The following RASAL1 variants were observed in gnomAD, a reference collection of about 807,000 sequenced individuals.
The protein encoded by RASAL1 is RAS protein activator like 1.
In RASAL1, 72 loss-of-function variants were observed where a neutral mutation model predicts 96.6. That is an observed-to-expected ratio of 0.75 (90% CI 0.62 to 0.91). The LOEUF is 0.91. Among genes scored for constraint, RASAL1 ranks in the 40% least tolerant of loss-of-function variants. RASAL1 has a pLI of 0.00. For synonymous variants in RASAL1, 405 were observed against 430.4 expected (o/e 0.94, Z 0.73); for missense variants, 1,016 against 1,072.5 (o/e 0.95, Z 0.74).
At chr12:113,110,198 C>T (rs1228248194) in intron 13 of RASAL1, among the ~76,000 whole-genome samples, 1 of 152,202 alleles carries the variant, frequency 6.6e-6, no homozygotes, top group Non-Finnish European at 1.5e-5. Flanking sequence ...GAGCTTACTC[C>T]TCAGCTGGGG....
At chr12:113,135,917 A>G (rs1951900098), upstream of RASAL1, 3 of 168,666 alleles carry the variant, frequency 1.8e-5, no homozygotes, top group Admixed American at 1.8e-4. The surrounding 1 kb of genome is among the most constrained non-coding windows in gnomAD (Gnocchi z 5.7). Context: ...GTGCACCGCC[A>G]GGTGGGGAGG....
At position 113,115,817 on chromosome 12, in the gene RASAL1, C is replaced by G; in HGVS notation, c.850-29G>C. The G allele has an allele frequency of 6.2e-7, 1 of 1,612,700 alleles. No individual in the cohort carries two copies. Among genetic ancestry groups the G allele is most frequent in the Non-Finnish European group, 8.5e-7 (1 of 1,179,174 alleles). On this transcript the variant is annotated intron_variant, in intron 9 of 20. Transcript: ENST00000548055. This position sits in a 1 kb window ranked among gnomAD's most constrained non-coding sequence, Gnocchi z 4.1. ...GGTGGGGGCGGGAGACAAAGATGACCTCGGCCCCTGGGACCCCAAAGCAGA... is the reference window on the plus strand; with the variant it reads ...GGTGGGGGCGGGAGACAAAGATGACGTCGGCCCCTGGGACCCCAAAGCAGA...
intron 16 of RASAL1, 112 bp downstream of exon 16, chr12:113,105,602 C>A (rs1950615605): frequency 8.5e-7 from 1 of 1,180,336 alleles, no homozygotes. Flanking sequence ...GTTGCTATGG[C>A]ATCTTGGGGC....
In RASAL1 at chr12:113,128,245, G is replaced by GACACAC. The variant is rs4007310; in HGVS notation, c.123-73_123-68dup. The GACACAC allele has an allele frequency of 7.5e-3, 4,236 of 566,394 alleles. 62 individuals carry two copies. The East Asian group carries it at 0.091, about 12-fold the overall frequency. 35.1% of individuals were successfully genotyped at this position (566,394 alleles called of 1,614,324 possible). ...CAGGAGGCAGACACCTGGAGACCCA[G>GACACAC]ACACACACACACACACACACACACA... On this transcript the variant is annotated intron_variant, in intron 2 of 20. Coordinates refer to ENST00000548055, the MANE Select transcript of RASAL1 (RefSeq NM_001301202.2).
At position 113,135,438 on chromosome 12, in the gene RASAL1, C is replaced by T. The variant is rs1326764018; in HGVS notation, c.25G>A (p.Val9Ile). MAKSSSLN[V>I]RVVEGRALPA... ...AGCGCGCGGCCCTCCACCACGCGAA[C>T]ATTCAGGGAGCTGCTCTTGGCCATG... Residue 9 changes from valine to isoleucine, a missense_variant, in exon 1 of 21, where the codon GTT becomes ATT. Physicochemically the swap from Val to Ile is conservative, Grantham distance 29. Coordinates refer to ENST00000548055, the MANE Select transcript of RASAL1 (RefSeq NM_001301202.2). The surrounding 1 kb of genome is among the most constrained non-coding windows in gnomAD (Gnocchi z 5.7). The T allele has an allele frequency of 1.2e-6, 2 of 1,610,098 alleles. No individual in the cohort carries two copies. The highest frequency in any genetic ancestry group is 1.7e-6 in the Non-Finnish European group (2 of 1,178,754).
intron 12 of RASAL1, among the ~76,000 whole-genome samples, chr12:113,113,383 C>T (rs1297730306): frequency 6.6e-6 from 1 of 152,136 alleles, no homozygotes; most frequent in Non-Finnish European, 1.5e-5. Flanking sequence ...AGAATAGAAC[C>T]CAGGACTGCC....
chr12:113,126,555 G>A (rs1451737811), intron 4 of RASAL1, among the ~76,000 whole-genome samples: 5 of 152,052 alleles, frequency 3.3e-5, no homozygotes, highest in Non-Finnish European at 5.9e-5. Flanking sequence ...GGTGGTGCAC[G>A]CCTGTAGTCC....
rs549792264 is a variant in RASAL1 at position 113,128,807 on chromosome 12, T to TA, written c.123-630dup. Among the ~76,000 whole-genome samples the TA allele has an allele frequency of 1.7e-3, 265 of 152,132 alleles. 5 individuals carry two copies. The highest frequency in any genetic ancestry group is 0.015 in the Admixed American group (230 of 15,282). ...AATCCAGACACCAGACACATGCAGATAGACACATAGAAAACAGACACATAT... is the reference window on the plus strand; with the variant it reads ...AATCCAGACACCAGACACATGCAGATAAGACACATAGAAAACAGACACATAT... On this transcript the variant is annotated intron_variant, in intron 2 of 20. Transcript: ENST00000548055.
At position 113,115,965 on chromosome 12, in the gene RASAL1, A is replaced by G; in HGVS notation, c.818T>C (p.Leu273Pro). 1 of 1,608,924 alleles carries G rather than the reference A, an allele frequency of 6.2e-7. No individual in the cohort carries two copies. The highest frequency in any genetic ancestry group is 8.5e-7 in the Non-Finnish European group (1 of 1,177,142). Reference sequence around the variant, plus strand: ...TGGCCCCTGCACAGACTCCATGAGCAGCTCCATGAGAGGCTGGTAGCACTG... The same window carrying G: ...TGGCCCCTGCACAGACTCCATGAGCGGCTCCATGAGAGGCTGGTAGCACTG... ...PSQCYQPLME[L>P]LMESVQGPAE... Residue 273 changes from leucine (L) to proline (P), a missense_variant, in exon 9 of 21, where the codon CTG (leucine) becomes CCG (proline). Coordinates refer to ENST00000548055, the MANE Select transcript of RASAL1 (RefSeq NM_001301202.2). This position sits in a 1 kb window ranked among gnomAD's most constrained non-coding sequence, Gnocchi z 4.1.
rs372608661 is a variant in RASAL1 at position 113,107,145 on chromosome 12, G to A, written c.1609C>T (p.Arg537Cys). 23 of 1,613,776 alleles carry A rather than the reference G, an allele frequency of 1.4e-5. No homozygotes were observed. The African/African-American group carries it at 1.6e-4, about 11-fold the overall frequency. The change falls in exon 15 of 21, where the codon CGT becomes TGT. Residue 537 changes from arginine to cysteine, a missense_variant. Arg to Cys is a radical substitution (Grantham distance 180). Coordinates refer to ENST00000548055, the MANE Select transcript of RASAL1 (RefSeq NM_001301202.2). The stretch of plus-strand genomic sequence containing the variant: ...AGCCGGTCCAGGAAGTCTCTCACAC[G>A]TGAGACACACTGCAGCAGGAAGGGG... Reference protein sequence around the residue: ...LHPFLLQCVSRVRDFLDRLVD... With the variant: ...LHPFLLQCVSCVRDFLDRLVD...
At chr12:113,117,030 G>A in intron 8 of RASAL1, 43 bp downstream of exon 8, 2 of 1,462,936 alleles carry the variant, frequency 1.4e-6, no homozygotes, top group Admixed American at 1.9e-5. Context: ...ATGCTGCCCG[G>A]CATGGCTCCA....
chr12:113,105,951 C>G, intron 15 of RASAL1, 65 bp from the exon 16 acceptor site: 1 of 1,505,366 alleles, frequency 6.6e-7, no homozygotes, highest in Non-Finnish European at 9.0e-7. Flanking sequence ...CCTTGCTCCA[C>G]TAGCATGCCC....
At position 113,115,872 on chromosome 12, in the gene RASAL1, G is replaced by C; in HGVS notation, c.849+62C>G. 6.3e-7 allele frequency: 1 copy of C among 1,587,510 alleles called. No individual in the cohort carries two copies. Among genetic ancestry groups the C allele is most frequent in the Non-Finnish European group, 8.6e-7 (1 of 1,163,726 alleles). Reference sequence around the variant, plus strand: ...CCTAGATAGGGCTCCGTGAGGCAGGGGGAGGCCAGGATCCAGACCCCCGGC... The same window carrying C: ...CCTAGATAGGGCTCCGTGAGGCAGGCGGAGGCCAGGATCCAGACCCCCGGC... On this transcript the variant is annotated intron_variant, in intron 9 of 20. Transcript: ENST00000548055. The surrounding 1 kb of genome is among the most constrained non-coding windows in gnomAD (Gnocchi z 4.1).
intron 4 of RASAL1, among the ~76,000 whole-genome samples, chr12:113,126,571 A>G (rs1167641424): frequency 6.6e-6 from 1 of 152,076 alleles, no homozygotes; most frequent in Non-Finnish European, 1.5e-5. Context: ...AGTCCCAGCT[A>G]CTTGGGAGGT....
Position 113,099,785 on chromosome 12 carries a change from G to T in RASAL1, c.*144C>A. ...CCATGCCCTGAGTTCTGGACTCAAG[G>T]CACACAGGACTAGGCACGTCTCTGG... On this transcript the variant is annotated 3_prime_UTR_variant, in exon 21 of 21. Coordinates refer to ENST00000548055, the MANE Select transcript of RASAL1 (RefSeq NM_001301202.2). 1.7e-6 allele frequency: 2 copies of T among 1,209,400 alleles called. No homozygotes were observed. Among genetic ancestry groups the T allele is most frequent in the East Asian group, 2.4e-5 (1 of 41,850 alleles). The allele number at this position is 1,209,400 out of a possible 1,614,324, so 74.9% of individuals were successfully genotyped here.
rs756376055 is a variant in RASAL1, at chr12:113,108,132, G to T, written c.1465C>A (p.Gln489Lys). ...LTPKLFDLRD[Q>K]HADPQTSRSL... ...CGGCTAGTCTGGGGGTCCGCGTGTT[G>T]GTCCCGAAGGTCAAACAGCTTTGGG... The change falls in exon 14 of 21, where the codon CAA (glutamine) becomes AAA (lysine). Residue 489 changes from glutamine to lysine, a missense_variant. Transcript: ENST00000548055. 7 of 1,613,818 alleles carry T rather than the reference G, an allele frequency of 4.3e-6. No homozygotes were observed. In the South Asian group the frequency reaches 6.6e-5, roughly 15 times the overall value.
Position 113,115,566 on chromosome 12 carries a change from C to A in RASAL1, c.1003+69G>T. The A allele has an allele frequency of 6.4e-7, 1 of 1,560,190 alleles. No individual in the cohort carries two copies. Among genetic ancestry groups the A allele is most frequent in the Non-Finnish European group, 8.7e-7 (1 of 1,152,480 alleles). Reference sequence around the variant, plus strand: ...CCCTCTGCCTGAGGCCTCCCCATTCCTCCCCCAGGACCCTCCTGCAAGCCC... The same window carrying A: ...CCCTCTGCCTGAGGCCTCCCCATTCATCCCCCAGGACCCTCCTGCAAGCCC... On this transcript the variant is annotated intron_variant, in intron 10 of 20. Coordinates refer to ENST00000548055, the MANE Select transcript of RASAL1 (RefSeq NM_001301202.2). The surrounding 1 kb of genome is among the most constrained non-coding windows in gnomAD (Gnocchi z 4.1).
At chr12:113,106,931 C>A (rs561112331) in intron 15 of RASAL1, among the ~76,000 whole-genome samples, 166 bp downstream of exon 15, 2 of 152,340 alleles carry the variant, frequency 1.3e-5, no homozygotes, top group African/African-American at 4.8e-5. Context: ...CACCTGAGCT[C>A]TGTTCATCTC....
Position 113,131,168 on chromosome 12 carries a change from A to G in RASAL1, c.66-227T>C, listed in dbSNP as rs147894971. Among the ~76,000 whole-genome samples the G allele has an allele frequency of 7.3e-3, 1,095 of 150,618 alleles. 17 individuals are homozygous for G. Among genetic ancestry groups the G allele is most frequent in the African/African-American group, 0.026 (1,054 of 41,076 alleles). On this transcript the variant is annotated intron_variant, in intron 1 of 20. Transcript: ENST00000548055. ...TGCACTCTGGGCTTCCACCCATAGA[A>G]ATAGAACAGGGAGGCCTGAGGCCAG...
Sources: allele counts gnomAD v4.1 joint callset (sites outside exome capture counted in the v4.1 genomes callset), GRCh38; gene constraint gnomAD v4.1.1; non-coding constraint Gnocchi (gnomAD v3.1); transcripts MANE v1.5; gene names NCBI Gene and HGNC (gene_info 2026-07-23, HGNC 2026-07-21).